The following UBE3A variants were observed in gnomAD, a reference collection of about 807,000 sequenced individuals.
UBE3A encodes the protein ubiquitin-protein ligase E3A.
A neutral mutation model predicts 83.4 loss-of-function variants in UBE3A; 6 were observed. That is an observed-to-expected ratio of 0.07 (90% CI 0.04 to 0.14). The LOEUF (loss-of-function observed/expected upper bound fraction) is 0.14. UBE3A is among the 10% of genes least tolerant of loss of function. The probability of loss-of-function intolerance (pLI) is 1.00; values close to 1 mark genes in which losing one functional copy is unlikely to be tolerated. For missense variants in UBE3A, 456 were observed against 1,036.1 expected (o/e 0.44, Z 7.69); for synonymous variants, 337 against 355.4 (o/e 0.95, Z 0.58).
Position 25,336,116 on chromosome 15 carries a change from C to T in UBE3A, c.*3021G>A, listed in dbSNP as rs1171756524. On this transcript the variant is annotated 3_prime_UTR_variant, in exon 13 of 13. Transcript: ENST00000648336. ...GGGAGAAAAGACTTGGGACTCTGTA[C>T]TTGTAAAACCCTCTACCCTCCCCAG... 1 of 152,114 alleles carries T rather than the reference C, an allele frequency of 6.6e-6. No homozygotes were observed. The highest frequency in any genetic ancestry group is 2.4e-5 in the African/African-American group (1 of 41,408). The allele number at this position is 152,114 out of a possible 1,614,324, so 9.4% of individuals were successfully genotyped here.
intron 2 of UBE3A, among the ~76,000 whole-genome samples, chr15:25,409,859 GTC>G (rs1262235309): frequency 1.3e-5 from 2 of 152,006 alleles, no homozygotes; most frequent in Non-Finnish European, 2.9e-5. Flanking sequence ...TAAACACAAA[GTC>G]TAGTCCCACT....
intron 4 of UBE3A, among the ~76,000 whole-genome samples, chr15:25,386,505 T>C (rs796289780): frequency 3.9e-5 from 6 of 152,190 alleles, no homozygotes; most frequent in African/African-American, 1.4e-4. Flanking sequence ...CAAAAGGAAG[T>C]GCTAGAGATA....
Position 25,359,262 on chromosome 15 carries a change from G to T in UBE3A, c.1753+1121C>A, listed in dbSNP as rs757526251. Among the ~76,000 whole-genome samples the T allele has an allele frequency of 9.1e-4, 139 of 152,170 alleles. 1 individual carries two copies. Among genetic ancestry groups the T allele is most frequent in the Non-Finnish European group, 1.6e-3 (112 of 68,008 alleles). On this transcript the variant is annotated intron_variant, in intron 7 of 12. Coordinates refer to ENST00000648336, the MANE Select transcript of UBE3A (RefSeq NM_130839.5). ...AGATACATCAAAAGCTAGAGCTAAG[G>T]TTTACCAAATTTAAGAACTTTATGA...
chr15:25,421,346 G>C (rs1332435787), intron 1 of UBE3A, among the ~76,000 whole-genome samples: 1 of 152,178 alleles, frequency 6.6e-6, no homozygotes, highest in Non-Finnish European at 1.5e-5. Flanking sequence ...TGCAGCACCA[G>C]GGGCCAAATA....
At chr15:25,398,789 A>ATATATATATTCTTTTATT (rs2086281883) in intron 4 of UBE3A, among the ~76,000 whole-genome samples, 1 of 60,484 alleles carries the variant, frequency 1.7e-5, no homozygotes, top group African/African-American at 5.9e-5. Flanking sequence ...ATATATATAT[A>ATATATATATTCTTTTATT]TATATATATA....
At chr15:25,405,700 A>C in intron 3 of UBE3A, 198 bp from the exon 4 acceptor site, 1 of 601,812 alleles carries the variant, frequency 1.7e-6, no homozygotes, top group Non-Finnish European at 2.9e-6. Flanking sequence ...GGGTTGGACT[A>C]TTAAAAAACT....
At chr15:25,353,828 A>C (rs2076859078) in intron 11 of UBE3A, among the ~76,000 whole-genome samples, 1 of 152,148 alleles carries the variant, frequency 6.6e-6, no homozygotes, top group Admixed American at 6.5e-5. Context: ...GCATTTGCTT[A>C]AAAGCAGATA....
At chr15:25,352,381 C>T (rs995558166) in intron 11 of UBE3A, among the ~76,000 whole-genome samples, 8 of 152,174 alleles carry the variant, frequency 5.3e-5, no homozygotes, top group African/African-American at 1.9e-4. Flanking sequence ...GGTTCAGTTT[C>T]AGACCATGGC....
At chr15:25,344,971 G>A (rs2075435722) in intron 11 of UBE3A, among the ~76,000 whole-genome samples, 1 of 151,954 alleles carries the variant, frequency 6.6e-6, no homozygotes, top group African/African-American at 2.4e-5. Flanking sequence ...ATTATTTTTT[G>A]TTTTATTCCC....
chr15:25,400,333 T>C (rs138917977), intron 4 of UBE3A, among the ~76,000 whole-genome samples: 3 of 152,354 alleles, frequency 2.0e-5, no homozygotes, highest in African/African-American at 7.2e-5. Context: ...TAAAATGGTA[T>C]AGTATTTGCA....
rs2074067174 is a variant in UBE3A, at chr15:25,337,751, A to C, written c.*1386T>G. On this transcript the variant is annotated 3_prime_UTR_variant, in exon 13 of 13. Transcript: ENST00000648336. ...ATTAGCTATAGCTTGTAGCAAAAGG[A>C]TATATCAATGTCTCACCTTAGTTAA... 6.6e-6 allele frequency: 1 copy of C among 152,138 alleles called. No individual in the cohort carries two copies. Among genetic ancestry groups the C allele is most frequent in the African/African-American group, 2.4e-5 (1 of 41,434 alleles). 9.4% of individuals were successfully genotyped at this position (152,138 alleles called of 1,614,324 possible). A position where few individuals can be genotyped will look rare whatever the true frequency, so the allele number is the denominator to read the frequency against.
chr15:25,349,312 C>G (rs1201468679), intron 11 of UBE3A, among the ~76,000 whole-genome samples: 3 of 152,126 alleles, frequency 2.0e-5, no homozygotes, highest in African/African-American at 7.2e-5. Context: ...ACCTATATTA[C>G]ACAATTAGAA....
intron 4 of UBE3A, among the ~76,000 whole-genome samples, chr15:25,380,425 G>C (rs2081983343): frequency 6.6e-6 from 1 of 151,958 alleles, no homozygotes; most frequent in Non-Finnish European, 1.5e-5. Flanking sequence ...CTTAGTTTAG[G>C]ATCTATTATT....
chr15:25,417,354 C>G (rs901599794), intron 1 of UBE3A, among the ~76,000 whole-genome samples: 2 of 151,992 alleles, frequency 1.3e-5, no homozygotes, highest in Non-Finnish European at 2.9e-5. Context: ...ACAAAACACT[C>G]TAAAAGAAAA....
At chr15:25,358,626 ATATAAG>A (rs1330278113) in intron 7 of UBE3A, among the ~76,000 whole-genome samples, 3 of 152,212 alleles carry the variant, frequency 2.0e-5, no homozygotes, top group Non-Finnish European at 4.4e-5. Context: ...ATTATACAGT[ATATAAG>A]TATTTTAACC....
At chr15:25,399,482 T>C (rs76426459) in intron 4 of UBE3A, among the ~76,000 whole-genome samples, 1,988 of 152,274 alleles carry the variant, frequency 0.013, 42 homozygotes, top group African/African-American at 0.046. Context: ...GCTGTGTTCT[T>C]TGCACCCTGT....
chr15:25,414,858 C>A (rs1050239283), intron 1 of UBE3A, among the ~76,000 whole-genome samples: 3 of 152,180 alleles, frequency 2.0e-5, no homozygotes, highest in Non-Finnish European at 4.4e-5. Flanking sequence ...TTGGTCAAAA[C>A]CTGCCAGTGC....
At chr15:25,397,264 T>C (rs577333268) in intron 4 of UBE3A, among the ~76,000 whole-genome samples, 70 of 152,272 alleles carry the variant, frequency 4.6e-4, no homozygotes, top group Admixed American at 6.5e-4. Context: ...TTACTCTACT[T>C]TAACACAGCC....
chr15:25,367,172 CATATTTGTAAATATGTAA>C (rs1322348715), intron 6 of UBE3A, among the ~76,000 whole-genome samples: 24 of 94,854 alleles, frequency 2.5e-4, no homozygotes, highest in African/African-American at 1.6e-3. Flanking sequence ...GGTATATTTA[CATATTTGTAAATATGTAA>C]ATATTTACAT....
Sources: gnomAD v4.1 joint callset for allele counts (sites outside exome capture counted in the v4.1 genomes callset) on GRCh38, gnomAD v4.1.1 for gene constraint, MANE v1.5 for transcripts, NCBI Gene and HGNC (gene_info 2026-07-23, HGNC 2026-07-21) for gene names.